The following ABCG4 variants were observed in gnomAD, a reference collection of about 807,000 sequenced individuals.
ABCG4 encodes the protein ATP binding cassette subfamily G member 4.
In ABCG4, 35 loss-of-function variants were observed where a neutral mutation model predicts 64.6. The ratio of observed to expected loss-of-function variants is 0.54; its 90% CI spans 0.41 to 0.72. The LOEUF is 0.72. Among genes scored for constraint, ABCG4 ranks in the 30% least tolerant of loss-of-function variants. ABCG4 has a pLI of 0.00. For missense variants in ABCG4, 610 were observed against 846.3 expected, an observed-to-expected ratio of 0.72 and a Z score of 3.46; for synonymous variants, 326 against 348.2, an observed-to-expected ratio of 0.94 and a Z score of 0.71.
rs1476993876 is a variant in ABCG4 at position 119,154,748 on chromosome 11, G to C, written c.541-22G>C. 8 of 1,603,278 alleles carry C rather than the reference G, an allele frequency of 5.0e-6. No homozygotes were observed. In the African/African-American group the frequency reaches 1.1e-4, roughly 21 times the overall value. ...GAAGCAGAGACTCCGAAGCTGACCT[G>C]GCATGGGTGGGGTGGGGCCAGGTGA... On this transcript the variant is annotated intron_variant, in intron 5 of 14. Transcript: ENST00000619701. This position sits in a 1 kb window ranked among gnomAD's most constrained non-coding sequence, Gnocchi z 7.0.
In ABCG4 at chr11:119,160,517, GCCCCC is replaced by G; in HGVS notation, c.1597-20_1597-16del. ...TCCTGGTCACCCCTATGATGGCCTG[GCCCCC>G]TCCCTTCCCCTCTAGGTGGCCACTT... is the stretch of plus-strand genomic sequence containing the variant. On this transcript the variant is annotated splice_polypyrimidine_tract_variant and intron_variant, in intron 13 of 14. Coordinates refer to ENST00000619701, the MANE Select transcript of ABCG4 (RefSeq NM_022169.5). The surrounding 1 kb of genome is among the most constrained non-coding windows in gnomAD (Gnocchi z 4.6). The G allele has an allele frequency of 2.4e-4, 383 of 1,571,514 alleles. No individual in the cohort carries two copies. The highest frequency in any genetic ancestry group is 3.1e-4 in the Non-Finnish European group (357 of 1,145,476).
chr11:119,158,670 C>T lies in ABCG4; in HGVS notation c.1281C>T (p.Leu427=), dbSNP rs1288650073. 4 of 1,614,178 alleles carry T rather than the reference C, an allele frequency of 2.5e-6. No homozygotes were observed. Among genetic ancestry groups the T allele is most frequent in the Admixed American group, 3.3e-5 (2 of 60,032 alleles). Residue 427 remains leucine (L), a synonymous_variant, in exon 11 of 15, where the codon CTC becomes CTT. Coordinates refer to ENST00000619701, the MANE Select transcript of ABCG4 (RefSeq NM_022169.5). The surrounding 1 kb of genome is among the most constrained non-coding windows in gnomAD (Gnocchi z 4.5). ...ASKVFNNTGC[L]FFSMLFLMFA... is the part of the protein sequence containing the mutation. ...AGGTCTTCAACAACACCGGCTGCCTCTTCTTCTCCATGCTGTTCCTCATGT... is the reference window on the plus strand; with the variant it reads ...AGGTCTTCAACAACACCGGCTGCCTTTTCTTCTCCATGCTGTTCCTCATGT...
rs1011791517 is a variant in ABCG4 at position 119,160,382 on chromosome 11, A to G, written c.1593A>G (p.Leu531=). The G allele has an allele frequency of 1.1e-5, 18 of 1,607,846 alleles. No homozygotes were observed. The highest frequency in any genetic ancestry group is 1.4e-5 in the Non-Finnish European group (17 of 1,175,074). The part of the protein sequence containing the change: ...GLLIGAASNS[L]QVATFVGPVT... Reference sequence around the variant, plus strand: ...TGATCGGAGCTGCTTCCAACTCCCTACAGGTGGGAGGGCTGGCAGTTGGGA... The same window carrying G: ...TGATCGGAGCTGCTTCCAACTCCCTGCAGGTGGGAGGGCTGGCAGTTGGGA... Residue 531 remains leucine, a synonymous_variant, in exon 13 of 15, where the codon CTA becomes CTG. Coordinates refer to ENST00000619701, the MANE Select transcript of ABCG4 (RefSeq NM_022169.5). The surrounding 1 kb of genome is among the most constrained non-coding windows in gnomAD (Gnocchi z 4.6).
chr11:119,161,046 C>G lies in ABCG4; in HGVS notation c.1881C>G (p.Phe627Leu). Reference protein sequence around the residue: ...YMDFLVLGIFFLALRLLAYLV... With the variant: ...YMDFLVLGIFLLALRLLAYLV... ...ACTTCCTGGTCTTGGGCATCTTCTT[C>G]CTAGCCCTGCGGCTGCTGGCCTACC... is the stretch of plus-strand genomic sequence containing the variant. Residue 627 changes from phenylalanine (F) to leucine (L), a missense_variant, in exon 15 of 15, where the codon TTC becomes TTG. Phe to Leu is a conservative substitution (Grantham distance 22). Transcript: ENST00000619701. 1 of 1,614,048 alleles carries G rather than the reference C, an allele frequency of 6.2e-7. No homozygotes were observed. The highest frequency in any genetic ancestry group is 8.5e-7 in the Non-Finnish European group (1 of 1,179,980).
rs761262740 is a variant in ABCG4 at position 119,154,462 on chromosome 11, C to T, written c.490-63C>T. Reference sequence around the variant, plus strand: ...CTGCTGTCGCCACCTTCACCATTGGCGGAGGGTTCAAGGCAGAGCTCCCTC... The same window carrying T: ...CTGCTGTCGCCACCTTCACCATTGGTGGAGGGTTCAAGGCAGAGCTCCCTC... On this transcript the variant is annotated intron_variant, in intron 4 of 14. Transcript: ENST00000619701. This position sits in a 1 kb window ranked among gnomAD's most constrained non-coding sequence, Gnocchi z 7.0. 3.6e-5 allele frequency: 58 copies of T among 1,613,850 alleles called. No homozygotes were observed. The highest frequency in any genetic ancestry group is 1.6e-4 in the East Asian group (7 of 44,898).
rs1243389094 is a variant in ABCG4 at position 119,161,041 on chromosome 11, T to C, written c.1876T>C (p.Phe626Leu). The change falls in exon 15 of 15, where the codon TTC becomes CTC. Residue 626 changes from phenylalanine (F) to leucine (L), a missense_variant. Transcript: ENST00000619701. ...LYMDFLVLGI[F>L]FLALRLLAYL... is the part of the protein sequence containing the mutation. ...CATGGACTTCCTGGTCTTGGGCATC[T>C]TCTTCCTAGCCCTGCGGCTGCTGGC... The C allele has an allele frequency of 6.2e-7, 1 of 1,614,078 alleles. No individual in the cohort carries two copies. The highest frequency in any genetic ancestry group is 2.2e-5 in the East Asian group (1 of 44,886).
Position 119,158,553 on chromosome 11 carries a change from CA to C in ABCG4, c.1168-2del. On this transcript the variant is annotated splice_region_variant and splice_polypyrimidine_tract_variant and intron_variant, in intron 10 of 14. Coordinates refer to ENST00000619701, the MANE Select transcript of ABCG4 (RefSeq NM_022169.5). This position sits in a 1 kb window ranked among gnomAD's most constrained non-coding sequence, Gnocchi z 4.5. ...TCCCTCTCCTGGTGATGACCCCTCC[CA>C]AGGTCCTGACCCACCTACGGTTCAT... 1 of 1,614,176 alleles carries C rather than the reference CA, an allele frequency of 6.2e-7. No individual in the cohort carries two copies. The highest frequency in any genetic ancestry group is 8.5e-7 in the Non-Finnish European group (1 of 1,180,008).
rs1177186555 is a variant in ABCG4 at position 119,154,359 on chromosome 11, G to A, written c.456G>A (p.Leu152=). 1 of 1,614,212 alleles carries A rather than the reference G, an allele frequency of 6.2e-7. No individual in the cohort carries two copies. The highest frequency in any genetic ancestry group is 8.5e-7 in the Non-Finnish European group (1 of 1,180,036). The change falls in exon 4 of 15, where the codon CTG becomes CTA. Residue 152 remains leucine (L), a synonymous_variant. Coordinates refer to ENST00000619701, the MANE Select transcript of ABCG4 (RefSeq NM_022169.5). The surrounding 1 kb of genome is among the most constrained non-coding windows in gnomAD (Gnocchi z 7.0). Reference sequence around the variant, plus strand: ...GCTACATCATGCAAGATGACATGCTGCTGCCGCACCTCACGGTGTTGGAAG... The same window carrying A: ...GCTACATCATGCAAGATGACATGCTACTGCCGCACCTCACGGTGTTGGAAG... ...MSCYIMQDDM[L]LPHLTVLEAM...
chr11:119,162,450 CAG>C lies in ABCG4; in HGVS notation c.*1347_*1348del, dbSNP rs1375369498. The C allele has an allele frequency of 1.3e-5, 2 of 152,628 alleles. No homozygotes were observed. Among genetic ancestry groups the C allele is most frequent in the Non-Finnish European group, 2.9e-5 (2 of 68,070 alleles). The allele number at this position is 152,628 out of a possible 1,614,324, so 9.5% of individuals were successfully genotyped here. A position where few individuals can be genotyped will look rare whatever the true frequency, so the allele number is the denominator to read the frequency against. ...CTGGGCACCAGGTGGCAGACACACT[CAG>C]AGCATGTCTGGCTTTCCTGGTGGGT... On this transcript the variant is annotated 3_prime_UTR_variant, in exon 15 of 15. Coordinates refer to ENST00000619701, the MANE Select transcript of ABCG4 (RefSeq NM_022169.5).
In ABCG4 at chr11:119,158,742, T is replaced by C; in HGVS notation, c.1336+17T>C. On this transcript the variant is annotated intron_variant, in intron 11 of 14. Coordinates refer to ENST00000619701, the MANE Select transcript of ABCG4 (RefSeq NM_022169.5). This position sits in a 1 kb window ranked among gnomAD's most constrained non-coding sequence, Gnocchi z 4.5. ...TGCTCACCTGTGAGCTGAGCTGCCC[T>C]GGGCATGGGGCAAGGGTGTGGGTGC... 1.2e-6 allele frequency: 2 copies of C among 1,614,130 alleles called. No homozygotes were observed. Among genetic ancestry groups the C allele is most frequent in the Non-Finnish European group, 1.7e-6 (2 of 1,180,016 alleles).
chr11:119,149,445 T>C lies in ABCG4; in HGVS notation c.-13+82T>C, dbSNP rs1464194456. On this transcript the variant is annotated intron_variant, in intron 1 of 14. Coordinates refer to ENST00000619701, the MANE Select transcript of ABCG4 (RefSeq NM_022169.5). This position sits in a 1 kb window ranked among gnomAD's most constrained non-coding sequence, Gnocchi z 8.3. ...TTTGAGTCCGGGTGGTGCGCCTGGCTTTGGGGACAGCCCGGGGCACGCGGG... is the reference window on the plus strand; with the variant it reads ...TTTGAGTCCGGGTGGTGCGCCTGGCCTTGGGGACAGCCCGGGGCACGCGGG... The C allele has an allele frequency of 2.6e-5, 4 of 152,712 alleles. No homozygotes were observed. The highest frequency in any genetic ancestry group is 9.7e-5 in the African/African-American group (4 of 41,220). 9.5% of individuals were successfully genotyped at this position (152,712 alleles called of 1,614,324 possible).
chr11:119,158,622 G>A lies in ABCG4; in HGVS notation c.1233G>A (p.Leu411=). Residue 411 remains leucine, a synonymous_variant, in exon 11 of 15, where the codon CTG becomes CTA. Coordinates refer to ENST00000619701, the MANE Select transcript of ABCG4 (RefSeq NM_022169.5). This position sits in a 1 kb window ranked among gnomAD's most constrained non-coding sequence, Gnocchi z 4.5. ...VIGVLIGLLY[L]HIGDDASKVF... is the part of the protein sequence containing the mutation. ...GCGTGCTCATCGGCCTCCTCTACCTGCATATTGGCGACGATGCCAGCAAGG... is the reference window on the plus strand; with the variant it reads ...GCGTGCTCATCGGCCTCCTCTACCTACATATTGGCGACGATGCCAGCAAGG... The A allele has an allele frequency of 6.2e-7, 1 of 1,614,164 alleles. No individual in the cohort carries two copies. Among genetic ancestry groups the A allele is most frequent in the Non-Finnish European group, 8.5e-7 (1 of 1,180,026 alleles).
chr11:119,157,117 C>A, intron 9 of ABCG4, 103 bp downstream of exon 9: 1 of 1,461,180 alleles, frequency 6.8e-7, no homozygotes, highest in Non-Finnish European at 9.1e-7. Context: ...GGCATTGCAA[C>A]CAATGGGTGC....
Position 119,158,088 on chromosome 11 carries a change from C to T in ABCG4, c.1069-146C>T, listed in dbSNP as rs1391851761. 1 of 679,522 alleles carries T rather than the reference C, an allele frequency of 1.5e-6. No homozygotes were observed. Among genetic ancestry groups the T allele is most frequent in the Non-Finnish European group, 2.5e-6 (1 of 398,614 alleles). 42.1% of individuals were successfully genotyped at this position (679,522 alleles called of 1,614,324 possible). A position where few individuals can be genotyped will look rare whatever the true frequency, so the allele number is the denominator to read the frequency against. On this transcript the variant is annotated intron_variant, in intron 9 of 14. Coordinates refer to ENST00000619701, the MANE Select transcript of ABCG4 (RefSeq NM_022169.5). This position sits in a 1 kb window ranked among gnomAD's most constrained non-coding sequence, Gnocchi z 4.5. Reference sequence around the variant, plus strand: ...TACCCCTAAGCCTAGCTTTCAGGTACACAACTTAATGGTACAAGATTCTCT... The same window carrying T: ...TACCCCTAAGCCTAGCTTTCAGGTATACAACTTAATGGTACAAGATTCTCT...
chr11:119,160,511 G>A lies in ABCG4; in HGVS notation c.1597-27G>A, dbSNP rs776699142. On this transcript the variant is annotated intron_variant, in intron 13 of 14. Transcript: ENST00000619701. This position sits in a 1 kb window ranked among gnomAD's most constrained non-coding sequence, Gnocchi z 4.6. ...GGTTTGTCCTGGTCACCCCTATGATGGCCTGGCCCCCTCCCTTCCCCTCTA... is the reference window on the plus strand; with the variant it reads ...GGTTTGTCCTGGTCACCCCTATGATAGCCTGGCCCCCTCCCTTCCCCTCTA... The A allele has an allele frequency of 1.2e-5, 19 of 1,607,548 alleles. No individual in the cohort carries two copies. Among genetic ancestry groups the A allele is most frequent in the Non-Finnish European group, 1.5e-5 (18 of 1,178,266 alleles).
At position 119,153,716 on chromosome 11, in the gene ABCG4, A is replaced by T. The variant is rs868432403; in HGVS notation, c.239-310A>T. On this transcript the variant is annotated intron_variant, in intron 2 of 14. Transcript: ENST00000619701. The stretch of plus-strand genomic sequence containing the variant: ...AGACAGTGGCCACTGTGATTACAGA[A>T]GAGGACCAGGGTCTTCTACAGCTTT... The T allele has an allele frequency of 5.9e-5, 18 of 306,822 alleles. No homozygotes were observed. In the Middle Eastern group the frequency reaches 2.4e-3, roughly 40 times the overall value. 19.0% of individuals were successfully genotyped at this position (306,822 alleles called of 1,614,324 possible).
In ABCG4 at chr11:119,160,199, C is replaced by T; in HGVS notation, c.1438-28C>T. 1 of 1,586,580 alleles carries T rather than the reference C, an allele frequency of 6.3e-7. No individual in the cohort carries two copies. The highest frequency in any genetic ancestry group is 1.7e-4 in the Middle Eastern group (1 of 5,970). ...GCTGCTGTGCCCCTGGCTTGAAGTC[C>T]ACTGTCCAGCCCGTGCCCACTCCCC... On this transcript the variant is annotated intron_variant, in intron 12 of 14. Coordinates refer to ENST00000619701, the MANE Select transcript of ABCG4 (RefSeq NM_022169.5). The surrounding 1 kb of genome is among the most constrained non-coding windows in gnomAD (Gnocchi z 4.6).
rs1948351648 is a variant in ABCG4 at position 119,161,424 on chromosome 11, C to G, written c.*318C>G. ...TCCTTCCTGCCCATGGCACCCTCCT[C>G]TGCTGTCTGCCTGGGAGCCCTAGGC... is the stretch of plus-strand genomic sequence containing the variant. On this transcript the variant is annotated 3_prime_UTR_variant, in exon 15 of 15. Transcript: ENST00000619701. The G allele has an allele frequency of 3.7e-6, 1 of 267,282 alleles. No individual in the cohort carries two copies. The highest frequency in any genetic ancestry group is 7.2e-6 in the Non-Finnish European group (1 of 138,426). The allele number at this position is 267,282 out of a possible 1,614,324, so 16.6% of individuals were successfully genotyped here. A position where few individuals can be genotyped will look rare whatever the true frequency, so the allele number is the denominator to read the frequency against.
At position 119,155,033 on chromosome 11, in the gene ABCG4, G is replaced by C. The variant is rs577032670; in HGVS notation, c.686+118G>C. On this transcript the variant is annotated intron_variant, in intron 6 of 14. Coordinates refer to ENST00000619701, the MANE Select transcript of ABCG4 (RefSeq NM_022169.5). This position sits in a 1 kb window ranked among gnomAD's most constrained non-coding sequence, Gnocchi z 4.5. ...TCTGTTCACAGCCTCCTGGGGCCAA[G>C]ATAAGGGCTTCTTCCTCATCTCCAC... 1.5e-5 allele frequency: 21 copies of C among 1,400,176 alleles called. No homozygotes were observed. The highest frequency in any genetic ancestry group is 1.3e-4 in the Admixed American group (6 of 44,668). The allele number at this position is 1,400,176 out of a possible 1,614,324, so 86.7% of individuals were successfully genotyped here.
Sources: allele counts gnomAD v4.1 joint callset, GRCh38; gene constraint gnomAD v4.1.1; non-coding constraint Gnocchi (gnomAD v3.1); transcripts MANE v1.5; gene names NCBI Gene and HGNC (gene_info 2026-07-23, HGNC 2026-07-21).